The following GPC5 variants were observed in gnomAD, a reference collection of about 807,000 sequenced individuals.
GPC5 encodes glypican-5.
In GPC5, 47 loss-of-function variants were observed where a neutral mutation model predicts 53.9. The ratio of observed to expected loss-of-function variants is 0.87; its 90% confidence interval spans 0.69 to 1.11. The LOEUF (loss-of-function observed/expected upper bound fraction) is 1.11. Ranked by LOEUF, GPC5 falls within the 50% of genes most tolerant of loss-of-function variation. The pLI is 0.00. For missense variants in GPC5, 748 were observed against 713.1 expected (o/e 1.05, Z -0.56); for synonymous variants, 286 against 263.3 (o/e 1.09, Z -0.84).
intron 5 of GPC5, among the ~76,000 whole-genome samples, chr13:91,886,048 G>A (rs762214121): frequency 2.3e-4 from 35 of 151,974 alleles, no homozygotes; most frequent in Non-Finnish European, 4.4e-4. Flanking sequence ...TTGAGATTGC[G>A]TTAGTCTATT....
At chr13:91,651,618 C>T (rs891198348) in intron 2 of GPC5, among the ~76,000 whole-genome samples, 12 of 150,718 alleles carry the variant, frequency 8.0e-5, no homozygotes, top group African/African-American at 2.7e-4. Context: ...TTTGGGAGGC[C>T]GAGGCAGCAG....
At chr13:91,599,479 T>C (rs972448872) in intron 2 of GPC5, among the ~76,000 whole-genome samples, 20 of 152,140 alleles carry the variant, frequency 1.3e-4, no homozygotes, top group Admixed American at 5.2e-4. Flanking sequence ...ATTAAAAAAA[T>C]TCTGTTTATA....
At chr13:92,235,198 C>T (rs961321690) in intron 7 of GPC5, among the ~76,000 whole-genome samples, 1 of 151,994 alleles carries the variant, frequency 6.6e-6, no homozygotes, top group African/African-American at 2.4e-5. Flanking sequence ...ATTTCTGCTA[C>T]AGTTTTTTAA....
intron 6 of GPC5, among the ~76,000 whole-genome samples, chr13:92,040,026 A>G (rs2040929441): frequency 6.6e-6 from 1 of 152,226 alleles, no homozygotes; most frequent in African/African-American, 2.4e-5. Context: ...GAAACAGAAC[A>G]TGGAAAACTC....
At chr13:92,235,480 A>C (rs2042563086) in intron 7 of GPC5, among the ~76,000 whole-genome samples, 1 of 152,090 alleles carries the variant, frequency 6.6e-6, no homozygotes, top group African/African-American at 2.4e-5. Context: ...CATATTCCAC[A>C]CATTTATTTC....
chr13:91,560,220 G>A (rs973849780), intron 2 of GPC5, among the ~76,000 whole-genome samples: 2 of 152,136 alleles, frequency 1.3e-5, no homozygotes, highest in Non-Finnish European at 2.9e-5. Flanking sequence ...GATTTGTCAA[G>A]TGATACCTAC....
At chr13:92,755,478 T>A (rs1356302523) in intron 7 of GPC5, among the ~76,000 whole-genome samples, 2 of 151,288 alleles carry the variant, frequency 1.3e-5, no homozygotes, top group Non-Finnish European at 2.9e-5. Flanking sequence ...ATAACTAAAA[T>A]CAGAGCAGAA....
chr13:92,274,501 A>G (rs1181305987), intron 7 of GPC5, among the ~76,000 whole-genome samples: 2 of 152,100 alleles, frequency 1.3e-5, no homozygotes, highest in African/African-American at 4.8e-5. Flanking sequence ...CAGGATCTTT[A>G]AACTCCATTC....
At position 91,988,980 on chromosome 13, in the gene GPC5, A is replaced by G. The variant is rs1257603435; in HGVS notation, c.1401+80923A>G. On this transcript the variant is annotated intron_variant, in intron 6 of 7. Transcript: ENST00000377067. ...TAATTGTACATATAGAACACTACAAACCCAGAATAATCAGTGGCTTTCTCA... is the reference window on the plus strand; with the variant it reads ...TAATTGTACATATAGAACACTACAAGCCCAGAATAATCAGTGGCTTTCTCA... Among the ~76,000 whole-genome samples, 4 of 151,774 alleles carry G rather than the reference A, an allele frequency of 2.6e-5. No homozygotes were observed. In the East Asian group the frequency reaches 7.7e-4, roughly 29 times the overall value.
chr13:92,165,813 C>A (rs115507151), intron 7 of GPC5, among the ~76,000 whole-genome samples: 2,741 of 152,224 alleles, frequency 0.018, 81 homozygotes, highest in African/African-American at 0.061. Flanking sequence ...TGGATATATC[C>A]ATGTATTAAC....
At chr13:91,529,071 T>A (rs1315001313) in intron 2 of GPC5, among the ~76,000 whole-genome samples, 1 of 152,240 alleles carries the variant, frequency 6.6e-6, no homozygotes, top group East Asian at 1.9e-4. Context: ...GATATTATTT[T>A]ATATTTTGGG....
chr13:92,288,954 C>A (rs1260143968), intron 7 of GPC5, among the ~76,000 whole-genome samples: 1 of 152,200 alleles, frequency 6.6e-6, no homozygotes, highest in African/African-American at 2.4e-5. Context: ...TGAACCATTA[C>A]TACCAACTTT....
At chr13:92,501,771 C>T (rs1880191801) in intron 7 of GPC5, among the ~76,000 whole-genome samples, 1 of 152,012 alleles carries the variant, frequency 6.6e-6, no homozygotes, top group Non-Finnish European at 1.5e-5. Flanking sequence ...GATTTCTCAT[C>T]AGAAATTGTG....
intron 5 of GPC5, among the ~76,000 whole-genome samples, chr13:91,823,408 G>A (rs1175702898): frequency 6.6e-6 from 1 of 151,938 alleles, no homozygotes; most frequent in African/African-American, 2.4e-5. Flanking sequence ...TGTGAAATAT[G>A]GATCAACAGA....
intron 5 of GPC5, among the ~76,000 whole-genome samples, chr13:91,897,368 T>TGCGCGC (rs71113773): frequency 6.7e-6 from 1 of 149,424 alleles, no homozygotes; most frequent in African/African-American, 2.5e-5. Flanking sequence ...TGTGTGTGTG[T>TGCGCGC]GCGCCTGTGC....
chr13:91,699,280 G>A (rs941845278), intron 3 of GPC5, among the ~76,000 whole-genome samples: 1 of 152,084 alleles, frequency 6.6e-6, no homozygotes, highest in Non-Finnish European at 1.5e-5. Context: ...TGTTTTGGTG[G>A]GGGAGCTTTC....
intron 7 of GPC5, among the ~76,000 whole-genome samples, chr13:92,663,712 T>C (rs1886439974): frequency 7.7e-6 from 1 of 129,350 alleles, no homozygotes; most frequent in Non-Finnish European, 1.7e-5. Context: ...ATATATCTAC[T>C]ATATATATCT....
At chr13:92,271,171 C>A (rs993603433) in intron 7 of GPC5, among the ~76,000 whole-genome samples, 2 of 152,154 alleles carry the variant, frequency 1.3e-5, no homozygotes, top group Admixed American at 6.5e-5. Context: ...TGTTTCTGAA[C>A]AATGTCCAAG....
intron 3 of GPC5, among the ~76,000 whole-genome samples, chr13:91,695,528 C>T (rs2035862121): frequency 6.6e-6 from 1 of 152,048 alleles, no homozygotes. Flanking sequence ...TGCCCACTAC[C>T]ATGCCCAACT....
Sources: allele counts gnomAD v4.1 joint callset (sites outside exome capture counted in the v4.1 genomes callset), GRCh38; gene constraint gnomAD v4.1.1; transcripts MANE v1.5; gene names NCBI Gene and HGNC (gene_info 2026-07-23, HGNC 2026-07-21).